NOD1: variants seen among roughly 807,000 people sequenced by gnomAD.
The protein encoded by NOD1 is nucleotide binding oligomerization domain containing 1.
A neutral mutation model predicts 81.2 loss-of-function variants in NOD1; 70 were observed. The observed-to-expected ratio is 0.86, with a 90% CI of 0.71 to 1.05. The LOEUF is 1.05. Among genes scored for constraint, NOD1 ranks in the 50% least tolerant of loss-of-function variants. The pLI is 0.00. For missense variants in NOD1, 1,233 were observed against 1,228.0 expected (o/e 1.00, Z -0.06); for synonymous variants, 508 against 526.9 (o/e 0.96, Z 0.49).
rs190839337 is a variant in NOD1 at position 30,448,521 on chromosome 7, C to T, written c.2202-140G>A. Reference sequence around the variant, plus strand: ...GCCCCTGGAGAATGGCCACAGCAATCAGCCAAATAGCCCCTTACAAAGCCT... The same window carrying T: ...GCCCCTGGAGAATGGCCACAGCAATTAGCCAAATAGCCCCTTACAAAGCCT... On this transcript the variant is annotated intron_variant, in intron 6 of 13. Coordinates refer to ENST00000222823, the MANE Select transcript of NOD1 (RefSeq NM_006092.4). 79 of 712,386 alleles carry T rather than the reference C, an allele frequency of 1.1e-4. No homozygotes were observed. The Admixed American group carries it at 1.4e-3, about 13-fold the overall frequency. The allele number at this position is 712,386 out of a possible 1,614,324, so 44.1% of individuals were successfully genotyped here.
Position 30,455,169 on chromosome 7 carries a change from G to A in NOD1, c.344C>T (p.Thr115Ile). The A allele has an allele frequency of 1.2e-6, 2 of 1,614,090 alleles. No homozygotes were observed. Among genetic ancestry groups the A allele is most frequent in the Non-Finnish European group, 1.7e-6 (2 of 1,180,034 alleles). The change falls in exon 5 of 14, where the codon ACT becomes ATT. Residue 115 changes from threonine (T) to isoleucine (I), a missense_variant. Coordinates refer to ENST00000222823, the MANE Select transcript of NOD1 (RefSeq NM_006092.4). The stretch of plus-strand genomic sequence containing the variant: ...AGTGTTGACCACGACTTTGCTCTGA[G>A]TGAGCAGGGAAGGGGAGAAGCCGAT... ...LEIGFSPSLL[T>I]QSKVVVNTDP...
intron 1 of NOD1, among the ~76,000 whole-genome samples, chr7:30,465,556 T>C (rs6948524): frequency 0.17 from 25,459 of 152,170 alleles, 2,292 homozygotes; most frequent in Admixed American, 0.23. Flanking sequence ...GGGGCCAGAT[T>C]GAGAACAGAA....
chr7:30,460,916 G>T (rs1048416005), intron 1 of NOD1, among the ~76,000 whole-genome samples: 1 of 152,224 alleles, frequency 6.6e-6, no homozygotes, highest in Non-Finnish European at 1.5e-5. Flanking sequence ...AAGGTCTGCA[G>T]AGCCTCCAGG....
In NOD1 at chr7:30,452,042, T is replaced by C. The variant is rs1194280109; in HGVS notation, c.1375A>G (p.Thr459Ala). Reference protein sequence around the residue: ...PVETLHAGRDTLCSLGQVAHR... With the variant: ...PVETLHAGRDALCSLGQVAHR... Reference sequence around the variant, plus strand: ...GCCACCTGCCCCAGCGAGCACAGAGTGTCCCGGCCGGCGTGGAGGGTCTCC... The same window carrying C: ...GCCACCTGCCCCAGCGAGCACAGAGCGTCCCGGCCGGCGTGGAGGGTCTCC... The change falls in exon 6 of 14, where the codon ACT (threonine) becomes GCT (alanine). Residue 459 changes from threonine (T) to alanine (A), a missense_variant. Transcript: ENST00000222823. 6.2e-7 allele frequency: 1 copy of C among 1,613,382 alleles called. No homozygotes were observed. The highest frequency in any genetic ancestry group is 8.5e-7 in the Non-Finnish European group (1 of 1,179,924).
intron 11 of NOD1, among the ~76,000 whole-genome samples, chr7:30,434,354 A>AC (rs1784204787): frequency 1.3e-5 from 2 of 152,192 alleles, no homozygotes; most frequent in Non-Finnish European, 2.9e-5. Flanking sequence ...TCCATGGGGC[A>AC]CCTGGCCATG....
chr7:30,446,061 G>T, intron 9 of NOD1, 80 bp downstream of exon 9: 1 of 1,052,414 alleles, frequency 9.5e-7, no homozygotes. Flanking sequence ...CTGGTGTACT[G>T]ATGTATGAAA....
chr7:30,438,683 T>C (rs1784596363), intron 9 of NOD1, among the ~76,000 whole-genome samples: 1 of 152,224 alleles, frequency 6.6e-6, no homozygotes, highest in Admixed American at 6.5e-5. Context: ...TACATATATG[T>C]ATTTACTATA....
rs760099767 is a variant in NOD1 at position 30,456,886 on chromosome 7, G to T, written c.36C>A (p.Ile12=). 2 of 1,614,000 alleles carry T rather than the reference G, an allele frequency of 1.2e-6. No individual in the cohort carries two copies. Among genetic ancestry groups the T allele is most frequent in the Non-Finnish European group, 1.7e-6 (2 of 1,179,966 alleles). The change falls in exon 4 of 14, where the codon ATC becomes ATA. Residue 12 remains isoleucine, a synonymous_variant. Transcript: ENST00000222823. ...GAATGTGGGGGTGAGACTCTGATGG[G>T]ATTATTTCCATCTCACTGTGGCCCT... ...EEQGHSEMEI[I]PSESHPHIQL...
chr7:30,471,379 A>C (rs147212919), intron 1 of NOD1, among the ~76,000 whole-genome samples: 1 of 152,194 alleles, frequency 6.6e-6, no homozygotes, highest in Non-Finnish European at 1.5e-5. Context: ...CCTGCAACAC[A>C]TCTGGCACTG....
chr7:30,425,345 T>C lies in NOD1; in HGVS notation c.*293A>G, dbSNP rs5743373. On this transcript the variant is annotated 3_prime_UTR_variant, in exon 14 of 14. Transcript: ENST00000222823. ...CTGTTTGCTCACAGCTTTATTCCTC[T>C]AGCTTCAGATAAAAATAATTATAAT... is the stretch of plus-strand genomic sequence containing the variant. 25,403 of 359,444 alleles carry C rather than the reference T, an allele frequency of 0.071. 2,508 individuals carry two copies. Among genetic ancestry groups the C allele is most frequent in the African/African-American group, 0.3 (14,522 of 48,238 alleles). The allele number at this position is 359,444 out of a possible 1,614,324, so 22.3% of individuals were successfully genotyped here. A position where few individuals can be genotyped will look rare whatever the true frequency, so the allele number is the denominator to read the frequency against.
intron 5 of NOD1, among the ~76,000 whole-genome samples, chr7:30,454,687 T>C (rs1050562516): frequency 6.6e-6 from 1 of 152,082 alleles, no homozygotes; most frequent in Non-Finnish European, 1.5e-5. Context: ...GGCTGGAGTG[T>C]AGGGGCACAA....
rs569444129 is a variant in NOD1, at chr7:30,449,513, G to C, written c.2202-1132C>G. 3.3e-5 allele frequency among the ~76,000 whole-genome samples: 5 copies of C among 152,272 alleles called. No homozygotes were observed. In the East Asian group the frequency reaches 7.7e-4, roughly 23 times the overall value. On this transcript the variant is annotated intron_variant, in intron 6 of 13. Coordinates refer to ENST00000222823, the MANE Select transcript of NOD1 (RefSeq NM_006092.4). ...TGCCCTTCCTTCTTACTGATAGCTA[G>C]AGTGTCGACTAGATGGCTGGAGTTT... is the stretch of plus-strand genomic sequence containing the variant.
chr7:30,447,534 G>A (rs1196060246), intron 7 of NOD1: 3 of 180,684 alleles, frequency 1.7e-5, no homozygotes, highest in African/African-American at 7.2e-5. Flanking sequence ...AAGTTGAAAG[G>A]CAGCTAAGCT....
intron 11 of NOD1, chr7:30,433,417 T>C (rs1784118283): frequency 1.3e-5 from 7 of 520,096 alleles, no homozygotes; most frequent in East Asian, 1.2e-4. Flanking sequence ...CAGCTACCTG[T>C]AGAGGAGCCC....
intron 11 of NOD1, 44 bp from the exon 12 acceptor site, chr7:30,433,223 G>T: frequency 6.8e-7 from 1 of 1,480,216 alleles, no homozygotes. Context: ...AGCCTACTTG[G>T]CAGACATTGT....
Position 30,452,809 on chromosome 7 carries a change from T to C in NOD1, c.608A>G (p.Asp203Gly). 1 of 1,614,140 alleles carries C rather than the reference T, an allele frequency of 6.2e-7. No individual in the cohort carries two copies. Among genetic ancestry groups the C allele is most frequent in the African/African-American group, 1.3e-5 (1 of 75,058 alleles). Residue 203 changes from aspartate to glycine, a missense_variant, in exon 6 of 14, where the codon GAT becomes GGT. Transcript: ENST00000222823. ...CAGCATGGACTTGCCCACCCCAGCATCACCCAGGATGAAGATGGTCTCACC... is the reference window on the plus strand; with the variant it reads ...CAGCATGGACTTGCCCACCCCAGCACCACCCAGGATGAAGATGGTCTCACC... ...EQGETIFILG[D>G]AGVGKSMLLQ...
At position 30,448,357 on chromosome 7, in the gene NOD1, G is replaced by C; in HGVS notation, c.2226C>G (p.Asp742Glu). The C allele has an allele frequency of 6.2e-7, 1 of 1,614,116 alleles. No individual in the cohort carries two copies. The highest frequency in any genetic ancestry group is 8.5e-7 in the Non-Finnish European group (1 of 1,179,976). The change falls in exon 7 of 14, where the codon GAC becomes GAG. Residue 742 changes from aspartate to glutamate, a missense_variant. Coordinates refer to ENST00000222823, the MANE Select transcript of NOD1 (RefSeq NM_006092.4). ...VLRLSVNQIT[D>E]GGVKVLSEEL... Reference sequence around the variant, plus strand: ...CTTCGCTTAGCACCTTTACCCCACCGTCAGTGATCTGGTTTACGCTGAGTC... The same window carrying C: ...CTTCGCTTAGCACCTTTACCCCACCCTCAGTGATCTGGTTTACGCTGAGTC...
In NOD1 at chr7:30,446,609, G is replaced by A. The variant is rs187701517; in HGVS notation, c.2369+358C>T. On this transcript the variant is annotated intron_variant, in intron 8 of 13. Transcript: ENST00000222823. ...CCAGAGGCTCCAAGCCTGGCGCACT[G>A]TCACCCCCTGCGCAGGGCACACCTA... 5.6e-3 allele frequency: 2,163 copies of A among 389,558 alleles called. 5 individuals are homozygous for A. The highest frequency in any genetic ancestry group is 8.4e-3 in the Non-Finnish European group (1,782 of 213,236). 24.1% of individuals were successfully genotyped at this position (389,558 alleles called of 1,614,324 possible). A position where few individuals can be genotyped will look rare whatever the true frequency, so the allele number is the denominator to read the frequency against.
Position 30,446,956 on chromosome 7 carries a change from A to G in NOD1, c.2369+11T>C. ...GAATATACTAAGGAACCTGGTGCCT[A>G]CCCCACTTACTTAAGATGCGTGAGG... is the stretch of plus-strand genomic sequence containing the variant. On this transcript the variant is annotated intron_variant, in intron 8 of 13. Coordinates refer to ENST00000222823, the MANE Select transcript of NOD1 (RefSeq NM_006092.4). The G allele has an allele frequency of 6.2e-7, 1 of 1,608,584 alleles. No homozygotes were observed.
Sources: gnomAD v4.1 joint callset for allele counts (sites outside exome capture counted in the v4.1 genomes callset) on GRCh38, gnomAD v4.1.1 for gene constraint, MANE v1.5 for transcripts, NCBI Gene and HGNC (gene_info 2026-07-23, HGNC 2026-07-21) for gene names.